Variants in OSBPL2 observed in about 807,000 individuals in gnomAD.
OSBPL2 encodes oxysterol-binding protein-related protein 2.
In OSBPL2, 18 loss-of-function variants were observed where a neutral mutation model predicts 58.4. That is an observed-to-expected ratio of 0.31 (90% confidence interval 0.21 to 0.46). The LOEUF (loss-of-function observed/expected upper bound fraction) is 0.46, where lower values mean the gene tolerates loss of function less well. Ranked by LOEUF, OSBPL2 falls within the 20% of genes least tolerant of loss-of-function variation. OSBPL2 has a pLI of 1.00. For missense variants in OSBPL2, 461 were observed against 616.5 expected, an observed-to-expected ratio of 0.75 and a Z score of 2.67; for synonymous variants, 221 against 234.1, an observed-to-expected ratio of 0.94 and a Z score of 0.51.
intron 13 of OSBPL2, among the ~76,000 whole-genome samples, chr20:62,293,246 T>C (rs1289805833): frequency 6.6e-6 from 1 of 152,122 alleles, no homozygotes; most frequent in African/African-American, 2.4e-5. Context: ...GTCTTCTCCT[T>C]TGTGAGCGCT....
rs542191223 is a variant in OSBPL2 at position 62,282,274 on chromosome 20, T to C, written c.872+395T>C. On this transcript the variant is annotated intron_variant, in intron 9 of 13. Transcript: ENST00000313733. ...TGCACGTTGTCAGGCAAGACTCAAA[T>C]GTGTTAGCTTGAGGGGCGTCAGTGT... Among the ~76,000 whole-genome samples, 15 of 152,278 alleles carry C rather than the reference T, an allele frequency of 9.9e-5. No homozygotes were observed. The East Asian group carries it at 2.7e-3, about 27-fold the overall frequency.
chr20:62,253,145 G>T (rs550254804), intron 1 of OSBPL2, among the ~76,000 whole-genome samples: 1 of 152,286 alleles, frequency 6.6e-6, no homozygotes, highest in Non-Finnish European at 1.5e-5. Context: ...GTGCCTGGAT[G>T]TGTGAATTCT....
intron 3 of OSBPL2, among the ~76,000 whole-genome samples, chr20:62,263,217 G>T (rs1350222106): frequency 1.3e-5 from 2 of 152,152 alleles, no homozygotes; most frequent in African/African-American, 4.8e-5. Flanking sequence ...TTTAATTCAG[G>T]TCACTCTTGC....
At chr20:62,249,684 C>T (rs555591620) in intron 1 of OSBPL2, among the ~76,000 whole-genome samples, 1 of 152,356 alleles carries the variant, frequency 6.6e-6, no homozygotes, top group South Asian at 2.1e-4. Flanking sequence ...AAGCAATTCT[C>T]CTGCCTCAGC....
chr20:62,245,703 C>T (rs1416703313), intron 1 of OSBPL2, among the ~76,000 whole-genome samples: 1 of 152,212 alleles, frequency 6.6e-6, no homozygotes, highest in Non-Finnish European at 1.5e-5. Flanking sequence ...GGGCAAAGGC[C>T]TGAGCGGCCA....
intron 1 of OSBPL2, among the ~76,000 whole-genome samples, chr20:62,252,240 T>C (rs1469702995): frequency 1.3e-5 from 2 of 152,086 alleles, no homozygotes; most frequent in East Asian, 3.9e-4. Context: ...TATAATCAAT[T>C]GCACACATGT....
At chr20:62,287,433 A>G (rs897926647) in intron 11 of OSBPL2, among the ~76,000 whole-genome samples, 3 of 152,188 alleles carry the variant, frequency 2.0e-5, no homozygotes, top group Non-Finnish European at 4.4e-5. Context: ...TCATTTGAGT[A>G]GAGTACGAAC....
intron 7 of OSBPL2, chr20:62,280,169 G>A: frequency 8.2e-7 from 1 of 1,216,980 alleles, no homozygotes; most frequent in Non-Finnish European, 1.1e-6. Context: ...TAGGCAGCAG[G>A]TCCTAACAAA....
At chr20:62,267,895 AT>A in intron 4 of OSBPL2, among the ~76,000 whole-genome samples, 1 of 151,176 alleles carries the variant, frequency 6.6e-6, no homozygotes, top group African/African-American at 2.4e-5. Context: ...TTATTTATTT[AT>A]TTTTTTGAGG....
rs146369564 is a variant in OSBPL2 at position 62,287,321 on chromosome 20, AT to A, written c.1125+611del. ...TTTGTATATAAAATTTATGCAACTT[AT>A]GCAATTTTGTACGTCCCATAAACAG... On this transcript the variant is annotated intron_variant, in intron 11 of 13. Coordinates refer to ENST00000313733, the MANE Select transcript of OSBPL2 (RefSeq NM_144498.4). Among the ~76,000 whole-genome samples, 102 of 152,354 alleles carry A rather than the reference AT, an allele frequency of 6.7e-4. No homozygotes were observed. The East Asian group carries it at 0.012, about 18-fold the overall frequency.
At chr20:62,280,213 C>T in intron 7 of OSBPL2, 1 of 889,922 alleles carries the variant, frequency 1.1e-6, no homozygotes, top group Non-Finnish European at 1.5e-6. Context: ...CGACACCTTG[C>T]CTGATGAAGC....
chr20:62,260,798 G>A (rs1981247716), intron 3 of OSBPL2, among the ~76,000 whole-genome samples: 2 of 151,658 alleles, frequency 1.3e-5, no homozygotes, highest in South Asian at 4.2e-4. Context: ...GACCAGCCTG[G>A]GCAACATGGC....
intron 4 of OSBPL2, among the ~76,000 whole-genome samples, chr20:62,264,293 G>A (rs1414091627): frequency 5.9e-5 from 9 of 152,270 alleles, no homozygotes; most frequent in Admixed American, 5.9e-4. Flanking sequence ...CAGGAGGGGT[G>A]TCAGCCTTTG....
In OSBPL2 at chr20:62,279,339, A is replaced by C; in HGVS notation, c.674A>C (p.Lys225Thr). 1 of 1,614,110 alleles carries C rather than the reference A, an allele frequency of 6.2e-7. No individual in the cohort carries two copies. The highest frequency in any genetic ancestry group is 8.5e-7 in the Non-Finnish European group (1 of 1,179,984). The part of the protein sequence containing the change: ...PRGTITLELL[K>T]HNEAYTWTNP... ...GGCACCATCACCCTGGAGCTGCTCA[A>C]GTGAGTGTCGGTGCGTCCTGCTGAG... Residue 225 changes from lysine to threonine, a missense_variant and splice_region_variant, in exon 7 of 14, where the codon AAA becomes ACA. Lys to Thr is a moderately conservative substitution (Grantham distance 78). Coordinates refer to ENST00000313733, the MANE Select transcript of OSBPL2 (RefSeq NM_144498.4).
chr20:62,270,276 A>G (rs958063476), intron 4 of OSBPL2, among the ~76,000 whole-genome samples: 4 of 152,054 alleles, frequency 2.6e-5, no homozygotes, highest in African/African-American at 9.7e-5. Flanking sequence ...AAAGCCTGCC[A>G]TGTCCCTGTT....
chr20:62,277,178 A>G (rs1301683520), intron 6 of OSBPL2, among the ~76,000 whole-genome samples: 1 of 152,142 alleles, frequency 6.6e-6, no homozygotes, highest in Non-Finnish European at 1.5e-5. Context: ...TTGAACCTGG[A>G]GGCGGAGGTT....
At position 62,294,595 on chromosome 20, in the gene OSBPL2, C is replaced by T. The variant is rs1293439942; in HGVS notation, c.*708C>T. ...CGTGACAAACCAGAGTGGGCAGAAG[C>T]ATCGAGAGCGTGACAGGAAATCCCA... On this transcript the variant is annotated 3_prime_UTR_variant, in exon 14 of 14. Coordinates refer to ENST00000313733, the MANE Select transcript of OSBPL2 (RefSeq NM_144498.4). 6.6e-6 allele frequency: 1 copy of T among 152,466 alleles called. No homozygotes were observed. Among genetic ancestry groups the T allele is most frequent in the Admixed American group, 6.5e-5 (1 of 15,290 alleles). 9.4% of individuals were successfully genotyped at this position (152,466 alleles called of 1,614,324 possible).
chr20:62,291,653 G>A (rs1437234734), intron 12 of OSBPL2, 50 bp from the exon 13 acceptor site: 19 of 1,492,170 alleles, frequency 1.3e-5, no homozygotes, highest in Non-Finnish European at 1.8e-5. Context: ...GGGTGGCGGG[G>A]TGCGGTTCTA....
rs997349652 is a variant in OSBPL2, at chr20:62,279,573, A to G, written c.674+234A>G. On this transcript the variant is annotated intron_variant, in intron 7 of 13. Transcript: ENST00000313733. ...CGCCCCCCTTTCGGTCACATCATTC[A>G]TTGTATGACCAGGGTCCCATGTTGC... 12 of 550,932 alleles carry G rather than the reference A, an allele frequency of 2.2e-5. No individual in the cohort carries two copies. In the African/African-American group the frequency reaches 2.3e-4, roughly 11 times the overall value. 34.1% of individuals were successfully genotyped at this position (550,932 alleles called of 1,614,324 possible).
Sources: allele counts gnomAD v4.1 joint callset (sites outside exome capture counted in the v4.1 genomes callset), GRCh38; gene constraint gnomAD v4.1.1; transcripts MANE v1.5; gene names NCBI Gene and HGNC (gene_info 2026-07-23, HGNC 2026-07-21).